DEPDC1B: variants seen among roughly 807,000 people sequenced by gnomAD.
DEPDC1B encodes DEP domain containing 1B, also known as DEP domain-containing protein 1B.
Under a neutral mutation model 66.5 loss-of-function variants are expected in DEPDC1B, and 51 were observed. That is an observed-to-expected ratio of 0.77 (90% confidence interval 0.61 to 0.97). The LOEUF (loss-of-function observed/expected upper bound fraction) is 0.97, where lower values mean the gene tolerates loss of function less well. Among genes scored for constraint, DEPDC1B ranks in the 50% least tolerant of loss-of-function variants. DEPDC1B has a pLI of 0.00. For synonymous variants in DEPDC1B, 226 were observed against 223.6 expected (o/e 1.01, Z -0.10); for missense variants, 552 against 637.1 (o/e 0.87, Z 1.44).
chr5:60,610,858 A>C (rs1409814152), intron 7 of DEPDC1B, among the ~76,000 whole-genome samples: 2 of 152,152 alleles, frequency 1.3e-5, no homozygotes, highest in African/African-American at 2.4e-5. Context: ...TTTTCAGCTG[A>C]AAGTTTGTAG....
At chr5:60,609,381 A>G (rs1349764863) in intron 7 of DEPDC1B, among the ~76,000 whole-genome samples, 1 of 152,120 alleles carries the variant, frequency 6.6e-6, no homozygotes, top group African/African-American at 2.4e-5. Context: ...ACAGAAGCCT[A>G]TGCTACTATC....
At chr5:60,612,457 A>G (rs1388648809) in intron 7 of DEPDC1B, among the ~76,000 whole-genome samples, 1 of 143,786 alleles carries the variant, frequency 7.0e-6, no homozygotes, top group African/African-American at 2.5e-5. Context: ...TGCTACATCT[A>G]TTCTACCTGT....
chr5:60,651,170 T>A (rs1450391888), intron 2 of DEPDC1B, among the ~76,000 whole-genome samples: 1 of 152,156 alleles, frequency 6.6e-6, no homozygotes, highest in African/African-American at 2.4e-5. Context: ...TTCTCTAGCC[T>A]CAGCAGCCGC....
chr5:60,681,975 T>C (rs1561391054), intron 2 of DEPDC1B, among the ~76,000 whole-genome samples: 1 of 151,526 alleles, frequency 6.6e-6, no homozygotes, highest in African/African-American at 2.4e-5. Context: ...TCCTGAAAAT[T>C]AAGGATTCAG....
chr5:60,666,029 A>G (rs1584082223), intron 2 of DEPDC1B, among the ~76,000 whole-genome samples: 1 of 151,908 alleles, frequency 6.6e-6, no homozygotes, highest in Non-Finnish European at 1.5e-5. Flanking sequence ...GCAACTGCAC[A>G]CTCTTCTGGT....
chr5:60,628,242 T>C (rs1380305388), intron 7 of DEPDC1B: 1 of 152,240 alleles, frequency 6.6e-6, no homozygotes, highest in Non-Finnish European at 1.5e-5. Context: ...CAATATCTAA[T>C]AGTTACATCA....
At chr5:60,693,255 T>C (rs1195931951) in intron 1 of DEPDC1B, among the ~76,000 whole-genome samples, 3 of 152,008 alleles carry the variant, frequency 2.0e-5, no homozygotes, top group Non-Finnish European at 4.4e-5. Context: ...AACTGGTTGG[T>C]TGGGGTGGTA....
chr5:60,597,677 C>T lies in DEPDC1B; in HGVS notation c.*76G>A, dbSNP rs773825743. 2.7e-4 allele frequency: 390 copies of T among 1,463,284 alleles called. No individual in the cohort carries two copies. Among genetic ancestry groups the T allele is most frequent in the Non-Finnish European group, 3.4e-4 (369 of 1,086,132 alleles). 90.6% of individuals were successfully genotyped at this position (1,463,284 alleles called of 1,614,324 possible). A position where few individuals can be genotyped will look rare whatever the true frequency, so the allele number is the denominator to read the frequency against. ...TTTATGCTTTTCTTTCTTCCACCAC[C>T]AAAGTCTTTCTCCTAACCACCATTC... On this transcript the variant is annotated 3_prime_UTR_variant, in exon 11 of 11. Coordinates refer to ENST00000265036, the MANE Select transcript of DEPDC1B (RefSeq NM_018369.3).
intron 2 of DEPDC1B, among the ~76,000 whole-genome samples, chr5:60,665,825 A>G (rs1753824472): frequency 6.6e-6 from 1 of 152,218 alleles, no homozygotes. Flanking sequence ...CTAATCACGT[A>G]GTAAAGAGGG....
At chr5:60,617,070 T>C (rs1446819120) in intron 7 of DEPDC1B, among the ~76,000 whole-genome samples, 5 of 152,222 alleles carry the variant, frequency 3.3e-5, no homozygotes, top group African/African-American at 1.2e-4. Context: ...TAAAATCCTT[T>C]ACAGACAAGC....
At chr5:60,675,902 T>G (rs1754144739) in intron 2 of DEPDC1B, among the ~76,000 whole-genome samples, 1 of 144,492 alleles carries the variant, frequency 6.9e-6, no homozygotes, top group Non-Finnish European at 1.5e-5. Flanking sequence ...GTTTCTTTTT[T>G]CTTTTTTTTT....
intron 9 of DEPDC1B, among the ~76,000 whole-genome samples, chr5:60,602,148 AGGGAAGGT>A (rs1288979066): frequency 9.2e-6 from 1 of 108,822 alleles, no homozygotes; most frequent in African/African-American, 4.6e-5. Flanking sequence ...AGAAGGAAGC[AGGGAAGGT>A]GGGAAGGAGG....
At chr5:60,671,542 G>T (rs575155942) in intron 2 of DEPDC1B, among the ~76,000 whole-genome samples, 4 of 152,196 alleles carry the variant, frequency 2.6e-5, no homozygotes, top group African/African-American at 7.2e-5. Flanking sequence ...TCAGCCCGGG[G>T]AAATTTTCAG....
chr5:60,654,327 A>C (rs1414590187), intron 2 of DEPDC1B, among the ~76,000 whole-genome samples: 1 of 145,130 alleles, frequency 6.9e-6, no homozygotes, highest in Non-Finnish European at 1.5e-5. Flanking sequence ...CCCCTTCTTG[A>C]TTAGGTATAT....
intron 2 of DEPDC1B, among the ~76,000 whole-genome samples, chr5:60,679,076 A>C (rs1231603191): frequency 1.3e-5 from 2 of 152,212 alleles, no homozygotes; most frequent in Non-Finnish European, 2.9e-5. Context: ...TATAAGGTTT[A>C]TGTTGAGGTT....
chr5:60,678,564 A>G (rs547593912), intron 2 of DEPDC1B, among the ~76,000 whole-genome samples: 16 of 152,330 alleles, frequency 1.1e-4, no homozygotes, highest in Non-Finnish European at 1.8e-4. Flanking sequence ...CTAGCACTAG[A>G]TATCATTAGT....
intron 2 of DEPDC1B, among the ~76,000 whole-genome samples, chr5:60,659,850 A>T (rs944381222): frequency 6.6e-6 from 1 of 152,186 alleles, no homozygotes; most frequent in Non-Finnish European, 1.5e-5. Flanking sequence ...ATGCTGCATC[A>T]TTAGGCATCT....
chr5:60,689,937 C>G (rs1754505188), intron 1 of DEPDC1B, among the ~76,000 whole-genome samples: 1 of 152,032 alleles, frequency 6.6e-6, no homozygotes, highest in Non-Finnish European at 1.5e-5. Flanking sequence ...AGCTACTTGG[C>G]AGACTGAGCG....
chr5:60,631,546 T>G (rs1283225358), intron 7 of DEPDC1B, among the ~76,000 whole-genome samples: 1 of 152,146 alleles, frequency 6.6e-6, no homozygotes, highest in East Asian at 1.9e-4. Context: ...ACTGGCAATA[T>G]ATCATCAACT....
Sources: allele counts gnomAD v4.1 joint callset (sites outside exome capture counted in the v4.1 genomes callset), GRCh38; gene constraint gnomAD v4.1.1; transcripts MANE v1.5; gene names NCBI Gene and HGNC (gene_info 2026-07-23, HGNC 2026-07-21).